Variants in P2RY13 observed in about 807,000 individuals in gnomAD.
The protein encoded by P2RY13 is purinergic receptor P2Y13.
For missense variants in P2RY13, 412 were observed against 418.4 expected (o/e 0.98, Z 0.13); for synonymous variants, 150 against 155.1 (o/e 0.97, Z 0.24).
intron 1 of P2RY13, 94 bp from the exon 2 acceptor site, chr3:151,329,101 A>AT: frequency 3.4e-6 from 3 of 870,822 alleles, no homozygotes; most frequent in Non-Finnish European, 5.3e-6. Flanking sequence ...TTATGTTTAT[A>AT]GCATATTAAC....
rs771711005 is a variant in P2RY13 at position 151,328,007 on chromosome 3, TTGTC to T, written c.1045_1048del (p.Asp349ThrfsTer2). 4 of 1,574,896 alleles carry T rather than the reference TTGTC, an allele frequency of 2.5e-6. No individual in the cohort carries two copies. The highest frequency in any genetic ancestry group is 3.4e-6 in the Non-Finnish European group (4 of 1,164,728). ...GTACAGTTGTCAGCCTAAGGTTATGTTGTCTGTCTGACTGCTATGATTTTCTTGG... is the reference window on the plus strand; with the variant it reads ...GTACAGTTGTCAGCCTAAGGTTATGTTGTCTGACTGCTATGATTTTCTTGG... On this transcript the variant is annotated frameshift_variant, in exon 2 of 2. Transcript: ENST00000325602. LOFTEE classifies it high-confidence loss of function.
At position 151,328,439 on chromosome 3, in the gene P2RY13, T is replaced by C; in HGVS notation, c.617A>G (p.His206Arg). The C allele has an allele frequency of 6.2e-7, 1 of 1,613,768 alleles. No individual in the cohort carries two copies. The highest frequency in any genetic ancestry group is 1.1e-5 in the South Asian group (1 of 91,066). Residue 206 changes from histidine (H) to arginine (R), a missense_variant, in exon 2 of 2, where the codon CAT (histidine) becomes CGT (arginine). Physicochemically the swap from His to Arg is conservative, Grantham distance 29. Transcript: ENST00000325602. ...CTGGCATATGTTATTTACCATTTGA[T>C]GCCATTTCAGCCCCAGAGGCCCCTT... is the stretch of plus-strand genomic sequence containing the variant. ...SLKGPLGLKW[H>R]QMVNNICQFI...
chr3:151,328,082 G>A lies in P2RY13; in HGVS notation c.974C>T (p.Thr325Ile). The A allele has an allele frequency of 6.2e-7, 1 of 1,610,098 alleles. No homozygotes were observed. The highest frequency in any genetic ancestry group is 8.5e-7 in the Non-Finnish European group (1 of 1,178,740). ...LIYIFLCKKF[T>I]EKLPCMQGRK... ...CCCTTGCATACATGGTAGCTTTTCT[G>A]TGAATTTTTTACATAAGAATATGTA... The change falls in exon 2 of 2, where the codon ACA becomes ATA. Residue 325 changes from threonine to isoleucine, a missense_variant. By Grantham distance (89) the Thr-to-Ile change is moderately conservative. Coordinates refer to ENST00000325602, the MANE Select transcript of P2RY13 (RefSeq NM_176894.3).
intron 1 of P2RY13, 131 bp downstream of exon 1, chr3:151,329,350 T>A: frequency 3.3e-6 from 2 of 613,228 alleles, no homozygotes; most frequent in Non-Finnish European, 5.8e-6. Flanking sequence ...ATCAGATTGC[T>A]GTAAATTATG....
In P2RY13 at chr3:151,328,644, C is replaced by T. The variant is rs1399820673; in HGVS notation, c.412G>A (p.Ala138Thr). ...ATGATCTTGAGGAATCTGTCAAAGG[C>T]TATGAGCCCTAACAGCACGATGCCC... is the stretch of plus-strand genomic sequence containing the variant. ...YVGIVLLGLIAFDRFLKIIRP... is the reference protein window; with the variant it reads ...YVGIVLLGLITFDRFLKIIRP... The change falls in exon 2 of 2, where the codon GCC (alanine) becomes ACC (threonine). Residue 138 changes from alanine (A) to threonine (T), a missense_variant. Coordinates refer to ENST00000325602, the MANE Select transcript of P2RY13 (RefSeq NM_176894.3). 1 of 1,613,868 alleles carries T rather than the reference C, an allele frequency of 6.2e-7. No individual in the cohort carries two copies. Among genetic ancestry groups the T allele is most frequent in the Non-Finnish European group, 8.5e-7 (1 of 1,179,896 alleles).
rs377314521 is a variant in P2RY13 at position 151,327,093 on chromosome 3, G to A, written c.*898C>T. ...ATCTGGCATGTCTGTCTCTCAAGAA[G>A]CTTTAACATTTTTAGCGGATGCAGT... On this transcript the variant is annotated 3_prime_UTR_variant, in exon 2 of 2. Transcript: ENST00000325602. The A allele has an allele frequency of 3.9e-5, 6 of 152,312 alleles. No individual in the cohort carries two copies. Among genetic ancestry groups the A allele is most frequent in the African/African-American group, 1.4e-4 (6 of 41,560 alleles). The allele number at this position is 152,312 out of a possible 1,614,324, so 9.4% of individuals were successfully genotyped here.
At position 151,326,713 on chromosome 3, in the gene P2RY13, G is replaced by A. The variant is rs1213073564; in HGVS notation, c.*1278C>T. ...GCCAGAAAGGTAGGCAAGTTCTAGG[G>A]CCTTTGAGGCCATGGAAGAAAACGT... On this transcript the variant is annotated 3_prime_UTR_variant, in exon 2 of 2. Coordinates refer to ENST00000325602, the MANE Select transcript of P2RY13 (RefSeq NM_176894.3). 3 of 152,212 alleles carry A rather than the reference G, an allele frequency of 2.0e-5. No individual in the cohort carries two copies. Among genetic ancestry groups the A allele is most frequent in the Non-Finnish European group, 4.4e-5 (3 of 68,044 alleles). The allele number at this position is 152,212 out of a possible 1,614,324, so 9.4% of individuals were successfully genotyped here.
rs777682182 is a variant in P2RY13 at position 151,327,967 on chromosome 3, A to G, written c.*24T>C. The G allele has an allele frequency of 6.8e-7, 1 of 1,471,464 alleles. No homozygotes were observed. Among genetic ancestry groups the G allele is most frequent in the Non-Finnish European group, 9.1e-7 (1 of 1,104,906 alleles). 91.2% of individuals were successfully genotyped at this position (1,471,464 alleles called of 1,614,324 possible). On this transcript the variant is annotated 3_prime_UTR_variant, in exon 2 of 2. Transcript: ENST00000325602. ...ATCTACGGAAGTCTCATCAATAAAT[A>G]GAAGTTAACCCTATGTACAGTTGTC... is the stretch of plus-strand genomic sequence containing the variant.
intron 1 of P2RY13, 59 bp downstream of exon 1, chr3:151,329,422 C>T (rs1215041110): frequency 1.9e-5 from 21 of 1,082,916 alleles, no homozygotes; most frequent in Non-Finnish European, 2.4e-5. Flanking sequence ...CCTTTTTTCC[C>T]TTAAGCATAT....
In P2RY13 at chr3:151,328,921, C is replaced by T; in HGVS notation, c.135G>A (p.Leu45=). Reference sequence around the variant, plus strand: ...CCACTGTGTAGAGGGCTGGGAATACCAGCTGTACTATCCGAGTGTCTCTGG... The same window carrying T: ...CCACTGTGTAGAGGGCTGGGAATACTAGCTGTACTATCCGAGTGTCTCTGG... ...RCPRDTRIVQ[L]VFPALYTVVF... is the part of the protein sequence containing the mutation. Residue 45 remains leucine (L), a synonymous_variant, in exon 2 of 2, where the codon CTG becomes CTA. Transcript: ENST00000325602. 2 of 1,613,854 alleles carry T rather than the reference C, an allele frequency of 1.2e-6. No individual in the cohort carries two copies. Among genetic ancestry groups the T allele is most frequent in the Non-Finnish European group, 1.7e-6 (2 of 1,179,816 alleles).
Position 151,328,431 on chromosome 3 carries a change from C to T in P2RY13, c.625G>A (p.Val209Ile), listed in dbSNP as rs2149865134. Reference protein sequence around the residue: ...GPLGLKWHQMVNNICQFIFWT... With the variant: ...GPLGLKWHQMINNICQFIFWT... ...AAAATAAACTGGCATATGTTATTTA[C>T]CATTTGATGCCATTTCAGCCCCAGA... Residue 209 changes from valine (V) to isoleucine (I), a missense_variant, in exon 2 of 2, where the codon GTA (valine) becomes ATA (isoleucine). Val to Ile is a conservative substitution (Grantham distance 29). Transcript: ENST00000325602. 6.2e-7 allele frequency: 1 copy of T among 1,613,088 alleles called. No individual in the cohort carries two copies. The highest frequency in any genetic ancestry group is 8.5e-7 in the Non-Finnish European group (1 of 1,179,168).
chr3:151,328,321 C>G lies in P2RY13; in HGVS notation c.735G>C (p.Lys245Asn). Residue 245 changes from lysine (K) to asparagine (N), a missense_variant, in exon 2 of 2, where the codon AAG (lysine) becomes AAC (asparagine). Transcript: ENST00000325602. ...VYDSYRKSKS[K>N]DRKNNKKLEG... ...CCAGCTTTTTGTTGTTTTTTCTGTC[C>G]TTACTTTTGGACTTTCTATAAGAAT... The G allele has an allele frequency of 1.2e-6, 2 of 1,613,570 alleles. No individual in the cohort carries two copies. Among genetic ancestry groups the G allele is most frequent in the Non-Finnish European group, 8.5e-7 (1 of 1,179,768 alleles).
chr3:151,328,965 T>G lies in P2RY13; in HGVS notation c.91A>C (p.Asn31His). ...TCTCTGGGGCACCGCTCAGATCTGT[T>G]GAAGCCTTGCATCACTGTGGTGTTC... Reference protein sequence around the residue: ...AMNTTVMQGFNRSERCPRDTR... With the variant: ...AMNTTVMQGFHRSERCPRDTR... Residue 31 changes from asparagine to histidine, a missense_variant, in exon 2 of 2, where the codon AAC (asparagine) becomes CAC (histidine). Asn to His is a moderately conservative substitution (Grantham distance 68, BLOSUM62 1). Transcript: ENST00000325602. 1 of 1,613,308 alleles carries G rather than the reference T, an allele frequency of 6.2e-7. No homozygotes were observed. The highest frequency in any genetic ancestry group is 2.2e-5 in the East Asian group (1 of 44,880).
rs1750013184 is a variant in P2RY13, at chr3:151,328,886, G to A, written c.170C>T (p.Thr57Ile). Residue 57 changes from threonine (T) to isoleucine (I), a missense_variant, in exon 2 of 2, where the codon ACC becomes ATC. By Grantham distance (89) the Thr-to-Ile change is moderately conservative (BLOSUM62 -1). Coordinates refer to ENST00000325602, the MANE Select transcript of P2RY13 (RefSeq NM_176894.3). The part of the protein sequence containing the change: ...FPALYTVVFL[T>I]GILLNTLALW... ...AGCCAAAGTATTCAGCAGGATGCCG[G>A]TCAAGAAAACCACTGTGTAGAGGGC... The A allele has an allele frequency of 6.2e-7, 1 of 1,613,924 alleles. No homozygotes were observed. Among genetic ancestry groups the A allele is most frequent in the Non-Finnish European group, 8.5e-7 (1 of 1,179,952 alleles).
rs780197468 is a variant in P2RY13, at chr3:151,328,276, G to T, written c.780C>A (p.Val260=). The part of the protein sequence containing the change: ...NKKLEGKVFV[V]VAVFFVCFAP... ...CAAAACACACAAAGAAGACAGCCACGACAACAAATACTTTGCCTTCCAGCT... is the reference window on the plus strand; with the variant it reads ...CAAAACACACAAAGAAGACAGCCACTACAACAAATACTTTGCCTTCCAGCT... The change falls in exon 2 of 2, where the codon GTC becomes GTA. Residue 260 remains valine (V), a synonymous_variant. Transcript: ENST00000325602. 2 of 1,613,934 alleles carry T rather than the reference G, an allele frequency of 1.2e-6. No individual in the cohort carries two copies. The highest frequency in any genetic ancestry group is 1.7e-6 in the Non-Finnish European group (2 of 1,179,914).
At position 151,327,297 on chromosome 3, in the gene P2RY13, AAGG is replaced by A. The variant is rs1749729328; in HGVS notation, c.*691_*693del. ...CATCATTAGAGTATTTGCTGGACAG[AAGG>A]AGAATTCCAAAGAATAGTTAACACA... is the stretch of plus-strand genomic sequence containing the variant. On this transcript the variant is annotated 3_prime_UTR_variant, in exon 2 of 2. Transcript: ENST00000325602. 1 of 152,250 alleles carries A rather than the reference AAGG, an allele frequency of 6.6e-6. No individual in the cohort carries two copies. Among genetic ancestry groups the A allele is most frequent in the African/African-American group, 2.4e-5 (1 of 41,456 alleles). The allele number at this position is 152,250 out of a possible 1,614,324, so 9.4% of individuals were successfully genotyped here.
rs1025692948 is a variant in P2RY13 at position 151,326,315 on chromosome 3, A to C, written c.*1676T>G. The C allele has an allele frequency of 6.6e-6, 1 of 152,610 alleles. No homozygotes were observed. The highest frequency in any genetic ancestry group is 1.5e-5 in the Non-Finnish European group (1 of 68,024). 9.5% of individuals were successfully genotyped at this position (152,610 alleles called of 1,614,324 possible). Reference sequence around the variant, plus strand: ...ACATAAAATAAACCAAATGGGCTTTATTTTATCAAACATTTATTGATTGCA... The same window carrying C: ...ACATAAAATAAACCAAATGGGCTTTCTTTTATCAAACATTTATTGATTGCA... On this transcript the variant is annotated 3_prime_UTR_variant, in exon 2 of 2. Transcript: ENST00000325602.
At position 151,327,561 on chromosome 3, in the gene P2RY13, G is replaced by A. The variant is rs1268031302; in HGVS notation, c.*430C>T. On this transcript the variant is annotated 3_prime_UTR_variant, in exon 2 of 2. Transcript: ENST00000325602. ...CAGTTTTCAGCAATGGACTTCAAGA[G>A]TTGGGCGTTTTTTTTTTCTTTCAGC... The A allele has an allele frequency of 6.6e-6, 1 of 152,272 alleles. No individual in the cohort carries two copies. The highest frequency in any genetic ancestry group is 2.4e-5 in the African/African-American group (1 of 41,306). The allele number at this position is 152,272 out of a possible 1,614,324, so 9.4% of individuals were successfully genotyped here.
In P2RY13 at chr3:151,328,785, T is replaced by C. The variant is rs778773836; in HGVS notation, c.271A>G (p.Ile91Val). ...YLKNTLVADL[I>V]MTLMLPFKIL... Reference sequence around the variant, plus strand: ...TTGAAAGGAAGCATGAGTGTCATTATCAAGTCGGCCACCAAAGTGTTTTTG... The same window carrying C: ...TTGAAAGGAAGCATGAGTGTCATTACCAAGTCGGCCACCAAAGTGTTTTTG... The change falls in exon 2 of 2, where the codon ATA (isoleucine) becomes GTA (valine). Residue 91 changes from isoleucine (I) to valine (V), a missense_variant. Physicochemically the swap from Ile to Val is conservative, Grantham distance 29. Transcript: ENST00000325602. The C allele has an allele frequency of 6.2e-7, 1 of 1,613,970 alleles. No individual in the cohort carries two copies. Among genetic ancestry groups the C allele is most frequent in the Non-Finnish European group, 8.5e-7 (1 of 1,179,932 alleles).
Sources: gnomAD v4.1 joint callset for allele counts on GRCh38, gnomAD v4.1.1 for gene constraint, MANE v1.5 for transcripts, NCBI Gene and HGNC (gene_info 2026-07-23, HGNC 2026-07-21) for gene names.